SEMA3E: variants seen among roughly 807,000 people sequenced by gnomAD.
The protein encoded by SEMA3E is semaphorin-3E.
A neutral mutation model predicts 93.6 loss-of-function variants in SEMA3E; 49 were observed. The ratio of observed to expected loss-of-function variants is 0.52; its 90% confidence interval spans 0.42 to 0.66. The LOEUF (loss-of-function observed/expected upper bound fraction) is 0.66. Ranked by LOEUF, SEMA3E falls within the 30% of genes least tolerant of loss-of-function variation. The pLI is 0.00. For synonymous variants in SEMA3E, 363 were observed against 330.7 expected (o/e 1.10, Z -1.06); for missense variants, 906 against 964.8 (o/e 0.94, Z 0.81).
intron 4 of SEMA3E, among the ~76,000 whole-genome samples, chr7:83,446,442 A>C (rs1789231993): frequency 6.6e-6 from 1 of 152,248 alleles, no homozygotes; most frequent in South Asian, 2.1e-4. Flanking sequence ...AGAACCAAGT[A>C]GTTTGTGGTG....
At chr7:83,647,110 A>G (rs1025679394) in intron 1 of SEMA3E, among the ~76,000 whole-genome samples, 1 of 152,138 alleles carries the variant, frequency 6.6e-6, no homozygotes, top group Non-Finnish European at 1.5e-5. Flanking sequence ...TCTGGGCACT[A>G]TATTTTAAAC....
rs184802749 is a variant in SEMA3E at position 83,408,241 on chromosome 7, G to T, written c.670+127C>A. On this transcript the variant is annotated intron_variant, in intron 6 of 16. Coordinates refer to ENST00000643230, the MANE Select transcript of SEMA3E (RefSeq NM_012431.3). ...ATATTTTAATTCAAGAATGTTGCTA[G>T]TAAAACATTCTGAAATTTGTAAAGG... 40 of 1,062,552 alleles carry T rather than the reference G, an allele frequency of 3.8e-5. 1 individual carries two copies. In the East Asian group the frequency reaches 9.4e-4, roughly 25 times the overall value. The allele number at this position is 1,062,552 out of a possible 1,614,324, so 65.8% of individuals were successfully genotyped here.
chr7:83,636,930 A>T (rs1159754118), intron 1 of SEMA3E, among the ~76,000 whole-genome samples: 2 of 152,018 alleles, frequency 1.3e-5, no homozygotes, highest in Non-Finnish European at 2.9e-5. Flanking sequence ...TTGATATATA[A>T]AAAAAGCACC....
chr7:83,397,441 T>C (rs1294036305), intron 11 of SEMA3E, among the ~76,000 whole-genome samples: 1 of 152,210 alleles, frequency 6.6e-6, no homozygotes, highest in African/African-American at 2.4e-5. Context: ...TAGGGAATAT[T>C]CCAAGCAACA....
chr7:83,564,461 C>A (rs1021975161), intron 1 of SEMA3E, among the ~76,000 whole-genome samples: 2 of 151,976 alleles, frequency 1.3e-5, no homozygotes, highest in African/African-American at 4.8e-5. Flanking sequence ...TCCTTGAATG[C>A]CATGGCCAAG....
intron 16 of SEMA3E, among the ~76,000 whole-genome samples, chr7:83,374,571 A>C (rs1187050623): frequency 6.6e-6 from 1 of 152,236 alleles, no homozygotes; most frequent in Non-Finnish European, 1.5e-5. Flanking sequence ...CAATGTATGC[A>C]TGCTATGGTA....
chr7:83,533,848 G>A (rs897492054), intron 1 of SEMA3E, among the ~76,000 whole-genome samples: 1 of 152,074 alleles, frequency 6.6e-6, no homozygotes, highest in Non-Finnish European at 1.5e-5. Flanking sequence ...CAGCTGACTG[G>A]GAAGGTCCTT....
rs951893838 is a variant in SEMA3E at position 83,494,856 on chromosome 7, T to C, written c.116-4582A>G. On this transcript the variant is annotated intron_variant, in intron 1 of 16. Transcript: ENST00000643230. ...AAATTCTCAAGGGAAATAATGAAATTGTGTCAGCTAGTGTTCATAATTCAT... is the reference window on the plus strand; with the variant it reads ...AAATTCTCAAGGGAAATAATGAAATCGTGTCAGCTAGTGTTCATAATTCAT... Among the ~76,000 whole-genome samples the C allele has an allele frequency of 2.0e-5, 3 of 152,082 alleles. No homozygotes were observed. In the South Asian group the frequency reaches 6.2e-4, roughly 31 times the overall value.
chr7:83,460,037 C>A (rs1310796317), intron 4 of SEMA3E, among the ~76,000 whole-genome samples: 2 of 152,218 alleles, frequency 1.3e-5, no homozygotes, highest in African/African-American at 4.8e-5. Flanking sequence ...TCGGACTCAG[C>A]CCGCCTGCAC....
chr7:83,572,354 C>T (rs1232181459), intron 1 of SEMA3E, among the ~76,000 whole-genome samples: 3 of 152,084 alleles, frequency 2.0e-5, no homozygotes, highest in African/African-American at 7.2e-5. Flanking sequence ...ACCAAAACAT[C>T]ATGGTCCTGG....
At position 83,510,459 on chromosome 7, in the gene SEMA3E, G is replaced by A. The variant is rs1790794670; in HGVS notation, c.116-20185C>T. On this transcript the variant is annotated intron_variant, in intron 1 of 16. Coordinates refer to ENST00000643230, the MANE Select transcript of SEMA3E (RefSeq NM_012431.3). The stretch of plus-strand genomic sequence containing the variant: ...TTAACACATCATCTTTACAGTAAGA[G>A]GTGGAGTAATACAATATTGCATATC... Among the ~76,000 whole-genome samples the A allele has an allele frequency of 2.0e-5, 3 of 152,066 alleles. No homozygotes were observed. In the South Asian group the frequency reaches 6.2e-4, roughly 32 times the overall value.
Position 83,408,379 on chromosome 7 carries a change from C to T in SEMA3E, c.659G>A (p.Arg220His), listed in dbSNP as rs150833995. Residue 220 changes from arginine (R) to histidine (H), a missense_variant, in exon 6 of 17, where the codon CGT (arginine) becomes CAT (histidine). Arg to His is a conservative substitution (Grantham distance 29, BLOSUM62 0). Transcript: ENST00000643230. ...TTCCTCATCCTTACCTTTCAACAGA[C>T]GCTCATCGTCATGCTCAGTGCGGAT... ...AHIRTEHDDE[R>H]LLKEPKFVGS... 28 of 1,613,694 alleles carry T rather than the reference C, an allele frequency of 1.7e-5. No homozygotes were observed. The highest frequency in any genetic ancestry group is 4.4e-5 in the South Asian group (4 of 91,084).
At chr7:83,503,531 G>A (rs1303938090) in intron 1 of SEMA3E, among the ~76,000 whole-genome samples, 2 of 151,948 alleles carry the variant, frequency 1.3e-5, no homozygotes, top group African/African-American at 4.8e-5. Context: ...TTAATGATGG[G>A]AATACATTCT....
chr7:83,403,536 T>A (rs113112868), intron 9 of SEMA3E, among the ~76,000 whole-genome samples: 1 of 152,028 alleles, frequency 6.6e-6, no homozygotes, highest in African/African-American at 2.4e-5. Context: ...AGGACATTTT[T>A]AAAGATTTTT....
intron 1 of SEMA3E, among the ~76,000 whole-genome samples, chr7:83,645,194 C>T (rs188880464): frequency 6.6e-6 from 1 of 152,078 alleles, no homozygotes; most frequent in East Asian, 1.9e-4. Flanking sequence ...GATGAATCCA[C>T]CAGGACTTTT....
chr7:83,590,379 C>T (rs989199725), intron 1 of SEMA3E, among the ~76,000 whole-genome samples: 1 of 151,778 alleles, frequency 6.6e-6, no homozygotes, highest in Non-Finnish European at 1.5e-5. Flanking sequence ...AAATCTGGAG[C>T]GTAAATATAT....
intron 1 of SEMA3E, among the ~76,000 whole-genome samples, chr7:83,633,723 G>A (rs1397198153): frequency 6.6e-6 from 1 of 152,038 alleles, no homozygotes; most frequent in African/African-American, 2.4e-5. Flanking sequence ...AGAGAGTGTG[G>A]GCAACCGGCT....
intron 1 of SEMA3E, among the ~76,000 whole-genome samples, chr7:83,509,133 C>A (rs1482615157): frequency 6.6e-6 from 1 of 152,044 alleles, no homozygotes; most frequent in Non-Finnish European, 1.5e-5. Flanking sequence ...AATTTTGGGA[C>A]CCCTGGGATG....
intron 1 of SEMA3E, among the ~76,000 whole-genome samples, chr7:83,513,881 A>C (rs2115658410): frequency 6.6e-6 from 1 of 152,218 alleles, no homozygotes; most frequent in East Asian, 1.9e-4. Context: ...ATCCAGAGCA[A>C]CTCCATCTTG....
Sources: allele counts gnomAD v4.1 joint callset (sites outside exome capture counted in the v4.1 genomes callset), GRCh38; gene constraint gnomAD v4.1.1; transcripts MANE v1.5; gene names NCBI Gene and HGNC (gene_info 2026-07-23, HGNC 2026-07-21).